Variants in CDH12 observed in about 807,000 individuals in gnomAD.
The protein encoded by CDH12 is cadherin-12.
In CDH12, 41 loss-of-function variants were observed where a neutral mutation model predicts 74.1. The ratio of observed to expected loss-of-function variants is 0.55; its 90% CI spans 0.43 to 0.72. The LOEUF (loss-of-function observed/expected upper bound fraction) is 0.72, where lower values mean the gene tolerates loss of function less well. CDH12 is among the 30% of genes least tolerant of loss of function. The pLI is 0.00. For missense variants in CDH12, 945 were observed against 977.2 expected (o/e 0.97, Z 0.44); for synonymous variants, 399 against 355.0 (o/e 1.12, Z -1.39).
intron 6 of CDH12, among the ~76,000 whole-genome samples, chr5:21,864,204 G>A (rs10057254): frequency 0.12 from 17,770 of 151,932 alleles, 1,185 homozygotes; most frequent in African/African-American, 0.17. Context: ...AAACAAGGGT[G>A]TGCTAGCTAA....
intron 3 of CDH12, among the ~76,000 whole-genome samples, chr5:22,263,689 A>G (rs1753604281): frequency 6.6e-6 from 1 of 152,120 alleles, no homozygotes; most frequent in Admixed American, 6.6e-5. Flanking sequence ...TAGTACAATG[A>G]TGATAAAAAT....
chr5:22,689,401 A>T (rs558006053), intron 1 of CDH12, among the ~76,000 whole-genome samples: 1 of 152,300 alleles, frequency 6.6e-6, no homozygotes, highest in South Asian at 2.1e-4. Flanking sequence ...CCTTACAAGG[A>T]TGACATATGT....
chr5:21,849,372 A>G (rs1561240196), intron 7 of CDH12, among the ~76,000 whole-genome samples: 1 of 151,882 alleles, frequency 6.6e-6, no homozygotes, highest in Non-Finnish European at 1.5e-5. Flanking sequence ...AATCTACCTG[A>G]AGTCTGACAA....
chr5:22,760,856 A>G (rs1214000178), intron 1 of CDH12, among the ~76,000 whole-genome samples: 1 of 152,140 alleles, frequency 6.6e-6, no homozygotes, highest in Non-Finnish European at 1.5e-5. Flanking sequence ...CAACTGTGGT[A>G]TGATCCTATA....
At chr5:22,156,848 C>A (rs531706203) in intron 4 of CDH12, among the ~76,000 whole-genome samples, 2 of 152,034 alleles carry the variant, frequency 1.3e-5, no homozygotes, top group East Asian at 3.9e-4. Flanking sequence ...TGTGTTAATG[C>A]GTATTGATTA....
At chr5:22,351,418 C>G (rs969702746) in intron 3 of CDH12, among the ~76,000 whole-genome samples, 1 of 152,126 alleles carries the variant, frequency 6.6e-6, no homozygotes, top group East Asian at 1.9e-4. Context: ...ATTCATATAA[C>G]AAGCGGAAAA....
chr5:21,837,328 C>A (rs971581702), intron 8 of CDH12, among the ~76,000 whole-genome samples: 1 of 151,196 alleles, frequency 6.6e-6, no homozygotes, highest in African/African-American at 2.4e-5. Context: ...AATGCCTATG[C>A]CATTTACATT....
chr5:22,823,585 A>G (rs9283772), intron 1 of CDH12, among the ~76,000 whole-genome samples: 63,786 of 151,792 alleles, frequency 0.42, 13,704 homozygotes, highest in Admixed American at 0.47. Context: ...ACATACTAAT[A>G]CAAATCCTGA....
At chr5:21,794,244 T>G (rs2149911678) in intron 10 of CDH12, among the ~76,000 whole-genome samples, 1 of 151,814 alleles carries the variant, frequency 6.6e-6, no homozygotes, top group South Asian at 2.1e-4. Context: ...CTCTATTTTC[T>G]TAGCAAATTT....
At chr5:22,509,857 C>A (rs544233949) in intron 1 of CDH12, among the ~76,000 whole-genome samples, 1 of 152,136 alleles carries the variant, frequency 6.6e-6, no homozygotes, top group African/African-American at 2.4e-5. Context: ...TCCAGATTTG[C>A]CCAAATATAT....
intron 3 of CDH12, among the ~76,000 whole-genome samples, chr5:22,255,457 T>G (rs1225756648): frequency 6.6e-6 from 1 of 151,810 alleles, no homozygotes; most frequent in African/African-American, 2.4e-5. Flanking sequence ...TATTTTTTGT[T>G]ACATCATTAG....
intron 1 of CDH12, among the ~76,000 whole-genome samples, chr5:22,595,153 T>G (rs572716288): frequency 6.6e-6 from 1 of 152,302 alleles, no homozygotes; most frequent in East Asian, 1.9e-4. Flanking sequence ...TAAACAAAAT[T>G]GTTATTCCTT....
chr5:22,377,303 A>C (rs1447023355), intron 3 of CDH12, among the ~76,000 whole-genome samples: 1 of 152,228 alleles, frequency 6.6e-6, no homozygotes, highest in Non-Finnish European at 1.5e-5. Flanking sequence ...AGAAAATAGA[A>C]TAGCCATTGA....
intron 2 of CDH12, among the ~76,000 whole-genome samples, chr5:22,493,666 T>A (rs1192863263): frequency 6.6e-6 from 1 of 151,824 alleles, no homozygotes; most frequent in African/African-American, 2.4e-5. Flanking sequence ...TAATTATGAA[T>A]AAAAGAGGAG....
chr5:21,990,985 T>C (rs1464360760), intron 5 of CDH12, among the ~76,000 whole-genome samples: 1 of 151,026 alleles, frequency 6.6e-6, no homozygotes, highest in Non-Finnish European at 1.5e-5. Flanking sequence ...CCAAAAAAGC[T>C]GAATCTATGT....
chr5:22,742,732 T>G (rs1745089228), intron 1 of CDH12, among the ~76,000 whole-genome samples: 1 of 149,492 alleles, frequency 6.7e-6, no homozygotes, highest in Admixed American at 6.7e-5. Flanking sequence ...ATATATTATA[T>G]TATTTTACTA....
intron 7 of CDH12, among the ~76,000 whole-genome samples, chr5:21,854,448 T>C (rs1292814994): frequency 6.6e-5 from 10 of 151,736 alleles, no homozygotes; most frequent in South Asian, 2.1e-4. Context: ...CCTAACAAAT[T>C]TGAACTTTAG....
chr5:22,290,180 ATACT>A (rs1209817147), intron 3 of CDH12, among the ~76,000 whole-genome samples: 2 of 151,120 alleles, frequency 1.3e-5, no homozygotes, highest in Admixed American at 6.6e-5. Context: ...ATTAAAATAA[ATACT>A]TACTAATTCA....
At chr5:22,436,488 A>T (rs2126532329) in intron 2 of CDH12, among the ~76,000 whole-genome samples, 1 of 151,682 alleles carries the variant, frequency 6.6e-6, no homozygotes, top group South Asian at 2.1e-4. Flanking sequence ...TGGAAAAAAA[A>T]ACTCTGCTCC....
Sources: allele counts gnomAD v4.1 joint callset (sites outside exome capture counted in the v4.1 genomes callset), GRCh38; gene constraint gnomAD v4.1.1; transcripts MANE v1.5; gene names NCBI Gene and HGNC (gene_info 2026-07-23, HGNC 2026-07-21).